The following FAM168A variants were observed in gnomAD, a reference collection of about 807,000 sequenced individuals.
The protein encoded by FAM168A is family with sequence similarity 168 member A, also known as protein FAM168A.
FAM168A carries 3 observed loss-of-function variants against 28.5 expected under a neutral mutation model. That is an observed-to-expected ratio of 0.11 (90% CI 0.05 to 0.27). The LOEUF is 0.27. Ranked by LOEUF, FAM168A falls within the 10% of genes least tolerant of loss-of-function variation. FAM168A has a pLI of 1.00. For synonymous variants in FAM168A, 122 were observed against 124.2 expected (o/e 0.98, Z 0.12); for missense variants, 222 against 311.5 (o/e 0.71, Z 2.16).
At chr11:73,480,641 A>G (rs1867954794) in intron 1 of FAM168A, among the ~76,000 whole-genome samples, 1 of 152,208 alleles carries the variant, frequency 6.6e-6, no homozygotes, top group Non-Finnish European at 1.5e-5. Flanking sequence ...GAGCTTTCAC[A>G]GTATAGCACT....
intron 1 of FAM168A, among the ~76,000 whole-genome samples, chr11:73,581,750 C>T (rs1393679112): frequency 6.6e-6 from 1 of 151,798 alleles, no homozygotes; most frequent in Non-Finnish European, 1.5e-5. Context: ...ATGGAGTCTC[C>T]CTCTATTGCC....
intron 5 of FAM168A, 97 bp from the exon 6 acceptor site, chr11:73,409,758 G>A (rs1866575562): frequency 2.4e-6 from 3 of 1,272,148 alleles, no homozygotes; most frequent in South Asian, 1.5e-5. Context: ...CCGGACCCCA[G>A]CTGGGGCTCT....
chr11:73,469,500 T>C (rs1187341950), intron 1 of FAM168A, among the ~76,000 whole-genome samples: 1 of 152,198 alleles, frequency 6.6e-6, no homozygotes, highest in Non-Finnish European at 1.5e-5. Context: ...TGATGACAAC[T>C]GCTCTGTGAT....
chr11:73,538,513 G>T (rs1943611518), intron 1 of FAM168A, among the ~76,000 whole-genome samples: 1 of 152,094 alleles, frequency 6.6e-6, no homozygotes. Flanking sequence ...GTAAATTACT[G>T]CCAGTCAGGC....
At chr11:73,489,510 C>CTT (rs56910886) in intron 1 of FAM168A, among the ~76,000 whole-genome samples, 3,431 of 139,876 alleles carry the variant, frequency 0.025, 155 homozygotes, top group African/African-American at 0.081. Flanking sequence ...CCATCCCCCA[C>CTT]TTTTTTTTTT....
intron 2 of FAM168A, among the ~76,000 whole-genome samples, chr11:73,460,116 G>A (rs928760007): frequency 5.3e-5 from 8 of 152,052 alleles, no homozygotes; most frequent in Non-Finnish European, 1.0e-4. Context: ...TCCCGACCTC[G>A]TGATCCGCCC....
At chr11:73,534,359 T>C (rs996014402) in intron 1 of FAM168A, among the ~76,000 whole-genome samples, 1 of 152,134 alleles carries the variant, frequency 6.6e-6, no homozygotes, top group Non-Finnish European at 1.5e-5. Context: ...GCTCAGAAAC[T>C]GGCAGTATCA....
chr11:73,509,759 T>C (rs1855183546), intron 1 of FAM168A, among the ~76,000 whole-genome samples: 1 of 152,152 alleles, frequency 6.6e-6, no homozygotes, highest in African/African-American at 2.4e-5. Context: ...ACTGAACAGG[T>C]GCTTGGCTTT....
chr11:73,528,136 T>G (rs1247285161), intron 1 of FAM168A, among the ~76,000 whole-genome samples: 1 of 152,220 alleles, frequency 6.6e-6, no homozygotes, highest in Non-Finnish European at 1.5e-5. Context: ...CCAATACTTT[T>G]GATGAAAACT....
chr11:73,538,127 A>G (rs1943605471), intron 1 of FAM168A, among the ~76,000 whole-genome samples: 1 of 152,132 alleles, frequency 6.6e-6, no homozygotes, highest in Non-Finnish European at 1.5e-5. Context: ...TTGAAGCCAC[A>G]TGTTTGGGTT....
chr11:73,579,039 T>C (rs1252236613), intron 1 of FAM168A, among the ~76,000 whole-genome samples: 2 of 152,342 alleles, frequency 1.3e-5, no homozygotes, highest in East Asian at 3.9e-4. Context: ...GGTTTGCAGA[T>C]GGCCCTCTTC....
At chr11:73,521,045 T>G (rs1471125686) in intron 1 of FAM168A, among the ~76,000 whole-genome samples, 11 of 152,156 alleles carry the variant, frequency 7.2e-5, no homozygotes, top group Admixed American at 7.2e-4. Flanking sequence ...AGGTTCCAAG[T>G]GATAAATGAG....
chr11:73,514,097 G>A (rs1041208283), intron 1 of FAM168A, among the ~76,000 whole-genome samples: 5 of 152,008 alleles, frequency 3.3e-5, no homozygotes, highest in Non-Finnish European at 5.9e-5. Flanking sequence ...AGGCTGCAGT[G>A]AGCCATGATC....
chr11:73,574,263 G>A (rs1489477518), intron 1 of FAM168A, among the ~76,000 whole-genome samples: 1 of 152,148 alleles, frequency 6.6e-6, no homozygotes, highest in Non-Finnish European at 1.5e-5. Context: ...CACAACAGAT[G>A]GGAAAGTTGG....
At chr11:73,435,108 C>T (rs765657087) in intron 2 of FAM168A, among the ~76,000 whole-genome samples, 4 of 152,214 alleles carry the variant, frequency 2.6e-5, no homozygotes, top group Non-Finnish European at 5.9e-5. Context: ...TTTGTAAATA[C>T]TGGAGCTTTA....
intron 1 of FAM168A, among the ~76,000 whole-genome samples, chr11:73,474,513 A>G (rs941418442): frequency 6.6e-6 from 1 of 152,100 alleles, no homozygotes; most frequent in African/African-American, 2.4e-5. Flanking sequence ...ACAGACATTA[A>G]GCCCACCCCT....
chr11:73,422,970 T>C (rs1866825099), intron 3 of FAM168A, among the ~76,000 whole-genome samples: 1 of 152,232 alleles, frequency 6.6e-6, no homozygotes, highest in Admixed American at 6.5e-5. Context: ...ACCATCATCC[T>C]GAACAATGTA....
At position 73,548,807 on chromosome 11, in the gene FAM168A, AT is replaced by A. The variant is rs555609112; in HGVS notation, c.-19+49115del. ...AGGTGTGCGCCACCAAGGCCAGACA[AT>A]TTTTTTTTGTAAAGGTGGGGTCTCC... On this transcript the variant is annotated intron_variant, in intron 1 of 7. Transcript: ENST00000356467. 3.7e-4 allele frequency among the ~76,000 whole-genome samples: 56 copies of A among 151,142 alleles called. No homozygotes were observed. The Middle Eastern group carries it at 0.01, about 28-fold the overall frequency.
chr11:73,470,773 A>G (rs1312187527), intron 1 of FAM168A, among the ~76,000 whole-genome samples: 1 of 152,240 alleles, frequency 6.6e-6, no homozygotes, highest in East Asian at 1.9e-4. Flanking sequence ...ATTCTGCTAT[A>G]GCAGCACAAA....
Sources: gnomAD v4.1 joint callset for allele counts (sites outside exome capture counted in the v4.1 genomes callset) on GRCh38, gnomAD v4.1.1 for gene constraint, MANE v1.5 for transcripts, NCBI Gene and HGNC (gene_info 2026-07-23, HGNC 2026-07-21) for gene names.